The following MAPK10 variants were observed in gnomAD, a reference collection of about 807,000 sequenced individuals.
MAPK10 encodes the protein JNK3 alpha protein kinase.
Under a neutral mutation model 59.3 loss-of-function variants are expected in MAPK10, and 25 were observed. That is an observed-to-expected ratio of 0.42 (90% confidence interval 0.31 to 0.59). The LOEUF is 0.59. MAPK10 is among the 20% of genes least tolerant of loss of function. MAPK10 has a pLI of 0.15. For missense variants in MAPK10, 351 were observed against 568.9 expected, an observed-to-expected ratio of 0.62 and a Z score of 3.90; for synonymous variants, 190 against 200.5, an observed-to-expected ratio of 0.95 and a Z score of 0.44.
intron 2 of MAPK10, among the ~76,000 whole-genome samples, chr4:86,218,360 T>A (rs1051947484): frequency 6.6e-6 from 1 of 152,078 alleles, no homozygotes. Flanking sequence ...TTTTCTATTT[T>A]TAGTAGAGAC....
intron 10 of MAPK10, among the ~76,000 whole-genome samples, chr4:86,066,752 CAAAAAAA>C (rs60413311): frequency 1.2e-5 from 1 of 86,524 alleles, no homozygotes; most frequent in African/African-American, 4.3e-5. Context: ...GACTCTGTCT[CAAAAAAA>C]AAAAAAAAAA....
In MAPK10 at chr4:86,565,014, T is replaced by C. The variant is rs543512239; in HGVS notation, c.-263+28896A>G. 3.9e-5 allele frequency among the ~76,000 whole-genome samples: 6 copies of C among 152,280 alleles called. No homozygotes were observed. The East Asian group carries it at 1.2e-3, about 29-fold the overall frequency. ...GTCTAACCTTACAAATGGGCTTCTGTGAGACTTCTTACATATACCACTCCT... is the reference window on the plus strand; with the variant it reads ...GTCTAACCTTACAAATGGGCTTCTGCGAGACTTCTTACATATACCACTCCT... On this transcript the variant is annotated intron_variant, in intron 1 of 4. Transcript: ENST00000502302.
At chr4:86,214,925 T>C (rs763321636) in intron 2 of MAPK10, among the ~76,000 whole-genome samples, 19 of 152,046 alleles carry the variant, frequency 1.2e-4, no homozygotes, top group Non-Finnish European at 2.4e-4. Context: ...CTAAAATTCA[T>C]ATGAAGTCTC....
At chr4:86,468,772 T>C (rs1182847437) in intron 1 of MAPK10, among the ~76,000 whole-genome samples, 1 of 152,090 alleles carries the variant, frequency 6.6e-6, no homozygotes, top group East Asian at 1.9e-4. Flanking sequence ...GAGAATTGCT[T>C]GAACCCAGGA....
chr4:86,011,589 C>A lies in MAPK10; in HGVS notation c.*5639G>T, dbSNP rs1741435832. ...AATGCACCAATAACTCCTTCTGACT[C>A]TTTAAGAGCAATCATCTTGTGGAAT... On this transcript the variant is annotated 3_prime_UTR_variant, in exon 14 of 14. Coordinates refer to ENST00000641462, the MANE Select transcript of MAPK10 (RefSeq NM_138982.4). 2 of 152,186 alleles carry A rather than the reference C, an allele frequency of 1.3e-5. No individual in the cohort carries two copies. Among genetic ancestry groups the A allele is most frequent in the African/African-American group, 4.8e-5 (2 of 41,442 alleles). The allele number at this position is 152,186 out of a possible 1,614,324, so 9.4% of individuals were successfully genotyped here.
At chr4:86,447,136 G>A (rs1750138018) in intron 1 of MAPK10, among the ~76,000 whole-genome samples, 1 of 152,126 alleles carries the variant, frequency 6.6e-6, no homozygotes, top group Non-Finnish European at 1.5e-5. Flanking sequence ...GTAATCCCCA[G>A]GTGTTGAGAG....
chr4:86,115,319 A>G (rs375563711), intron 4 of MAPK10, among the ~76,000 whole-genome samples: 3 of 152,092 alleles, frequency 2.0e-5, no homozygotes, highest in African/African-American at 7.2e-5. Context: ...CAGCTCCCGG[A>G]TCATTGCTCC....
chr4:86,094,462 C>T (rs1373309151), intron 9 of MAPK10, among the ~76,000 whole-genome samples: 1 of 151,850 alleles, frequency 6.6e-6, no homozygotes, highest in Admixed American at 6.6e-5. Context: ...CTGTCTTTAA[C>T]TTTATATCCA....
At chr4:86,089,563 T>C in intron 9 of MAPK10, 1 of 281,662 alleles carries the variant, frequency 3.6e-6, no homozygotes, top group East Asian at 6.5e-5. Flanking sequence ...TAGGTTTTGA[T>C]TTAAAAGGTC....
chr4:86,025,678 T>A (rs925716046), intron 13 of MAPK10: 2 of 390,324 alleles, frequency 5.1e-6, no homozygotes, highest in Non-Finnish European at 4.5e-6. Context: ...TAAAAGGAAC[T>A]GAAAATGTCA....
At chr4:86,164,317 C>A (rs186093908) in intron 3 of MAPK10, 41 of 152,082 alleles carry the variant, frequency 2.7e-4, no homozygotes, top group African/African-American at 9.6e-4. Flanking sequence ...TCAAATAAAG[C>A]AAGCTAGGAG....
At chr4:86,401,732 A>G (rs1219575104) in intron 1 of MAPK10, among the ~76,000 whole-genome samples, 1 of 152,208 alleles carries the variant, frequency 6.6e-6, no homozygotes, top group Non-Finnish European at 1.5e-5. Context: ...CATTTATAAA[A>G]TATTCACAAG....
At chr4:86,376,752 T>C (rs1739877827) in intron 1 of MAPK10, among the ~76,000 whole-genome samples, 1 of 152,164 alleles carries the variant, frequency 6.6e-6, no homozygotes, top group Non-Finnish European at 1.5e-5. Flanking sequence ...AAATCGAGTC[T>C]CTTAAATAAA....
intron 2 of MAPK10, among the ~76,000 whole-genome samples, chr4:86,286,442 C>T (rs2095014377): frequency 6.6e-6 from 1 of 152,126 alleles, no homozygotes; most frequent in Admixed American, 6.6e-5. Flanking sequence ...TTACAAATAA[C>T]ATGTGTAGCA....
intron 2 of MAPK10, among the ~76,000 whole-genome samples, chr4:86,196,461 T>A (rs886655168): frequency 2.6e-5 from 4 of 152,240 alleles, no homozygotes; most frequent in Admixed American, 6.5e-5. Context: ...TTCTGGATAT[T>A]AGCCCTTTGT....
intron 1 of MAPK10, among the ~76,000 whole-genome samples, chr4:86,506,192 A>C (rs1010656513): frequency 2.6e-5 from 4 of 152,158 alleles, no homozygotes; most frequent in African/African-American, 9.7e-5. Flanking sequence ...AGGAAGGGAA[A>C]AATTAATTCT....
intron 2 of MAPK10, among the ~76,000 whole-genome samples, chr4:86,332,272 C>T (rs947471758): frequency 1.3e-5 from 2 of 151,966 alleles, no homozygotes; most frequent in African/African-American, 4.8e-5. Context: ...TAACACTTTA[C>T]CTTAAATGAA....
intron 2 of MAPK10, among the ~76,000 whole-genome samples, chr4:86,312,251 T>A (rs994618639): frequency 1.2e-4 from 18 of 152,144 alleles, no homozygotes; most frequent in African/African-American, 4.3e-4. Context: ...ACTAATGGTT[T>A]TAAATGCTGC....
chr4:86,593,909 C>G lies in MAPK10; in HGVS notation c.-263+1G>C, dbSNP rs771049232. The G allele has an allele frequency of 6.6e-6, 1 of 152,212 alleles. No homozygotes were observed. The highest frequency in any genetic ancestry group is 1.5e-5 in the Non-Finnish European group (1 of 68,050). 9.4% of individuals were successfully genotyped at this position (152,212 alleles called of 1,614,324 possible). ...AGAGTAAGGGAGGAGCCAGCACTTA[C>G]GCATTTTTCACTCTCCTCCTCACTC... On this transcript the variant is annotated splice_donor_variant, in intron 1 of 4. Coordinates refer to the MAPK10 transcript ENST00000502302. LOFTEE classifies it low-confidence loss of function (5UTR_SPLICE).
Sources: gnomAD v4.1 joint callset for allele counts (sites outside exome capture counted in the v4.1 genomes callset) on GRCh38, gnomAD v4.1.1 for gene constraint, MANE v1.5 for transcripts, NCBI Gene and HGNC (gene_info 2026-07-23, HGNC 2026-07-21) for gene names.